Variants in SLC12A8 observed in about 807,000 individuals in gnomAD.
The protein encoded by SLC12A8 is cation-chloride cotransporter 9.
A neutral mutation model predicts 75.6 loss-of-function variants in SLC12A8; 69 were observed. The observed-to-expected ratio is 0.91, with a 90% CI of 0.75 to 1.11. SLC12A8 has a LOEUF of 1.11. Ranked by LOEUF, SLC12A8 falls within the 50% of genes most tolerant of loss-of-function variation. The pLI is 0.00. For missense variants in SLC12A8, 877 were observed against 896.7 expected (o/e 0.98, Z 0.28); for synonymous variants, 365 against 372.8 (o/e 0.98, Z 0.24).
At chr3:125,156,277 T>G (rs1484573530) in intron 5 of SLC12A8, among the ~76,000 whole-genome samples, 2 of 152,154 alleles carry the variant, frequency 1.3e-5, no homozygotes, top group Non-Finnish European at 2.9e-5. Context: ...CTGGCCAAGG[T>G]TCACCAGAGG....
chr3:125,120,831 G>C lies in SLC12A8; in HGVS notation c.737-145C>G, dbSNP rs1427121343. 3 of 719,664 alleles carry C rather than the reference G, an allele frequency of 4.2e-6. 1 individual carries two copies. Among genetic ancestry groups the C allele is most frequent in the Admixed American group, 4.0e-5 (2 of 49,990 alleles). The allele number at this position is 719,664 out of a possible 1,614,324, so 44.6% of individuals were successfully genotyped here. A position where few individuals can be genotyped will look rare whatever the true frequency, so the allele number is the denominator to read the frequency against. ...CCAGCTGCAGCTCTGCGCATAGGCT[G>C]CTTTTCAATCTCCCCTGGCAACTAG... On this transcript the variant is annotated intron_variant, in intron 6 of 13. Coordinates refer to ENST00000469902, the MANE Select transcript of SLC12A8 (RefSeq NM_024628.6).
chr3:125,120,516 G>C, intron 7 of SLC12A8, 83 bp downstream of exon 7: 1 of 1,000,768 alleles, frequency 1.0e-6, no homozygotes, highest in Non-Finnish European at 1.6e-6. Context: ...GGCACTCTCA[G>C]AACAAAAGGG....
At chr3:125,115,458 G>T (rs1181263251) in intron 8 of SLC12A8, among the ~76,000 whole-genome samples, 1 of 152,068 alleles carries the variant, frequency 6.6e-6, no homozygotes, top group Non-Finnish European at 1.5e-5. Flanking sequence ...GGGAGGTGGA[G>T]GTTGCAGTGA....
chr3:125,208,747 TAC>T lies in SLC12A8; in HGVS notation c.51+2550_51+2551del, dbSNP rs61130966. 9.6e-3 allele frequency among the ~76,000 whole-genome samples: 839 copies of T among 87,326 alleles called. 13 individuals carry two copies. The highest frequency in any genetic ancestry group is 0.014 in the Admixed American group (105 of 7,544). 57.3% of individuals were successfully genotyped at this position (87,326 alleles called of 152,430 possible). A position where few individuals can be genotyped will look rare whatever the true frequency, so the allele number is the denominator to read the frequency against. On this transcript the variant is annotated intron_variant, in intron 2 of 13. Coordinates refer to ENST00000469902, the MANE Select transcript of SLC12A8 (RefSeq NM_024628.6). Reference sequence around the variant, plus strand: ...CTGGTTCACTTATTACTGACCAATCTACACACACACACACACACACACACACA... The same window carrying T: ...CTGGTTCACTTATTACTGACCAATCTACACACACACACACACACACACACA...
rs1455739356 is a variant in SLC12A8 at position 125,171,224 on chromosome 3, C to G, written c.622+6519G>C. 7.3e-5 allele frequency among the ~76,000 whole-genome samples: 2 copies of G among 27,290 alleles called. 1 individual carries two copies. The highest frequency in any genetic ancestry group is 1.4e-4 in the African/African-American group (2 of 14,414). The allele number at this position is 27,290 out of a possible 152,430, so 17.9% of individuals were successfully genotyped here. A position where few individuals can be genotyped will look rare whatever the true frequency, so the allele number is the denominator to read the frequency against. Reference sequence around the variant, plus strand: ...CTCCATTGAAAGATATCATCTCACACCAGTTAGAATGGCAATCATTAAAAA... The same window carrying G: ...CTCCATTGAAAGATATCATCTCACAGCAGTTAGAATGGCAATCATTAAAAA... On this transcript the variant is annotated intron_variant, in intron 5 of 13. Coordinates refer to ENST00000469902, the MANE Select transcript of SLC12A8 (RefSeq NM_024628.6).
intron 1 of SLC12A8, 122 bp downstream of exon 1, chr3:125,212,578 G>GATCC (rs1398800565): frequency 6.6e-6 from 1 of 152,534 alleles, no homozygotes. Context: ...GGTAGGAGAG[G>GATCC]ATCCACCTGG....
chr3:125,110,563 C>A, intron 8 of SLC12A8: 1 of 353,984 alleles, frequency 2.8e-6, no homozygotes, highest in East Asian at 4.3e-5. Context: ...TCAAATGAAG[C>A]GTCTGCCAGA....
chr3:125,131,493 T>A (rs1560062079), intron 6 of SLC12A8, among the ~76,000 whole-genome samples: 1 of 151,558 alleles, frequency 6.6e-6, no homozygotes, highest in Non-Finnish European at 1.5e-5. Flanking sequence ...TTCAAGTGAT[T>A]TTTCTGCCTC....
At position 125,088,801 on chromosome 3, in the gene SLC12A8, G is replaced by A. The variant is rs376800298; in HGVS notation, c.1922-431C>T. Among the ~76,000 whole-genome samples the A allele has an allele frequency of 9.9e-5, 15 of 152,246 alleles. No homozygotes were observed. In the South Asian group the frequency reaches 2.7e-3, roughly 27 times the overall value. On this transcript the variant is annotated intron_variant, in intron 12 of 13. Transcript: ENST00000469902. ...CTTTTTCATCCTTATAATCATCACA[G>A]TACCTCACAGGATCTGGCACTTAAG...
chr3:125,088,287 A>T lies in SLC12A8; in HGVS notation c.1982+23T>A, dbSNP rs376667897. On this transcript the variant is annotated intron_variant, in intron 13 of 13. Transcript: ENST00000469902. ...ACTCTGGACACTCATCCATTCTGGT[A>T]CTGGCTCCAAATTGGCACAGACCTG... 4 of 1,612,764 alleles carry T rather than the reference A, an allele frequency of 2.5e-6. No individual in the cohort carries two copies. The African/African-American group carries it at 5.3e-5, about 22-fold the overall frequency.
chr3:125,104,625 T>C (rs575263060), intron 10 of SLC12A8, among the ~76,000 whole-genome samples: 38 of 152,202 alleles, frequency 2.5e-4, no homozygotes, highest in African/African-American at 8.2e-4. Context: ...CCTTCTTTCT[T>C]AGGAAAAAAA....
At chr3:125,144,875 A>G (rs1933734157) in intron 5 of SLC12A8, among the ~76,000 whole-genome samples, 1 of 151,948 alleles carries the variant, frequency 6.6e-6, no homozygotes. Flanking sequence ...AGTCAGTATC[A>G]ACACACCGAT....
At chr3:125,149,762 G>A (rs556722770) in intron 5 of SLC12A8, among the ~76,000 whole-genome samples, 1 of 152,162 alleles carries the variant, frequency 6.6e-6, no homozygotes, top group South Asian at 2.1e-4. Flanking sequence ...AGGGGAAAAA[G>A]AGAGACAAAA....
At chr3:125,182,508 A>ATTT (rs767466114) in intron 4 of SLC12A8, among the ~76,000 whole-genome samples, 1 of 139,986 alleles carries the variant, frequency 7.1e-6, no homozygotes. Flanking sequence ...ATTTGTCCCC[A>ATTT]TTTTTTTTTT....
At chr3:125,118,348 G>C (rs1483305813) in intron 8 of SLC12A8, among the ~76,000 whole-genome samples, 1 of 152,194 alleles carries the variant, frequency 6.6e-6, no homozygotes, top group African/African-American at 2.4e-5. Context: ...TGAAGGCTGG[G>C]CGTGGTGGCT....
chr3:125,101,432 G>A (rs1226153631), intron 10 of SLC12A8, among the ~76,000 whole-genome samples: 1 of 152,152 alleles, frequency 6.6e-6, no homozygotes, highest in African/African-American at 2.4e-5. Flanking sequence ...GTAAAACTTT[G>A]TATTTATCTC....
At chr3:125,200,276 CG>C (rs1560084794) in intron 2 of SLC12A8, among the ~76,000 whole-genome samples, 1 of 152,038 alleles carries the variant, frequency 6.6e-6, no homozygotes, top group Non-Finnish European at 1.5e-5. Flanking sequence ...GGCGAAACCC[CG>C]TCTCTACTAA....
intron 2 of SLC12A8, among the ~76,000 whole-genome samples, chr3:125,210,707 C>T (rs900773392): frequency 7.2e-5 from 11 of 152,140 alleles, no homozygotes; most frequent in African/African-American, 2.7e-4. Flanking sequence ...TCATGGATGG[C>T]AAAGACCCTG....
At chr3:125,196,974 T>C (rs816341) in intron 2 of SLC12A8, among the ~76,000 whole-genome samples, 17,302 of 152,208 alleles carry the variant, frequency 0.11, 1,483 homozygotes, top group East Asian at 0.44. Flanking sequence ...CCAGTGGCAA[T>C]GAACATACCT....
Sources: gnomAD v4.1 joint callset for allele counts (sites outside exome capture counted in the v4.1 genomes callset) on GRCh38, gnomAD v4.1.1 for gene constraint, MANE v1.5 for transcripts, NCBI Gene and HGNC (gene_info 2026-07-23, HGNC 2026-07-21) for gene names.